GPHN: variants seen among roughly 807,000 people sequenced by gnomAD.
The protein encoded by GPHN is gephyrin.
GPHN carries 17 observed loss-of-function variants against 95.5 expected under a neutral mutation model. The ratio of observed to expected loss-of-function variants is 0.18; its 90% CI spans 0.12 to 0.27. The LOEUF (loss-of-function observed/expected upper bound fraction) is 0.27, where lower values mean the gene tolerates loss of function less well. Ranked by LOEUF, GPHN falls within the 10% of genes least tolerant of loss-of-function variation. GPHN has a pLI of 1.00. For missense variants in GPHN, 660 were observed against 978.1 expected, an observed-to-expected ratio of 0.67 and a Z score of 4.34; for synonymous variants, 320 against 322.5, an observed-to-expected ratio of 0.99 and a Z score of 0.08.
the GPHN span, among the ~76,000 whole-genome samples, chr14:67,439,533 G>GTTTCTTTCCTTCTTTC: frequency 1.0e-5 from 1 of 96,062 alleles, no homozygotes; most frequent in Non-Finnish European, 2.1e-5. Flanking sequence ...AAATTCAATA[G>GTTTCTTTCCTTCTTTC]TTTCTTTCTT....
the GPHN span, chr14:67,585,466 C>A: frequency 6.6e-6 from 5 of 754,632 alleles, no homozygotes; most frequent in East Asian, 8.1e-5. Flanking sequence ...CTGGAAATCA[C>A]TGCTTAGCAG....
chr14:67,640,686 CTA>C, the GPHN span, among the ~76,000 whole-genome samples: 1 of 152,166 alleles, frequency 6.6e-6, no homozygotes. Context: ...AGAATATAAT[CTA>C]TGTCAATGTT....
the GPHN span, among the ~76,000 whole-genome samples, chr14:67,305,481 ATG>A: frequency 6.6e-6 from 1 of 152,078 alleles, no homozygotes; most frequent in Admixed American, 6.6e-5. Context: ...GGCTTTCACT[ATG>A]TTGCCCAGGC....
the GPHN span, among the ~76,000 whole-genome samples, chr14:67,351,809 C>T: frequency 3.4e-4 from 52 of 151,492 alleles, no homozygotes; most frequent in African/African-American, 1.0e-3. Flanking sequence ...GCATGAGTCA[C>T]CACACCTAGT....
chr14:67,483,684 A>G, the GPHN span, among the ~76,000 whole-genome samples: 2 of 152,210 alleles, frequency 1.3e-5, no homozygotes, highest in Non-Finnish European at 2.9e-5. Flanking sequence ...TGCGCCATTC[A>G]AAGGCCCCTC....
chr14:67,419,776 G>A, the GPHN span, among the ~76,000 whole-genome samples: 4 of 152,036 alleles, frequency 2.6e-5, no homozygotes, highest in South Asian at 6.2e-4. Flanking sequence ...GTGAACCTGG[G>A]AGGCGGAGCT....
intron 3 of GPHN, among the ~76,000 whole-genome samples, chr14:66,820,684 C>A (rs567606734): frequency 6.6e-6 from 1 of 152,252 alleles, no homozygotes; most frequent in African/African-American, 2.4e-5. Flanking sequence ...ATTATGACCT[C>A]TTTGGAGTCC....
At chr14:67,289,342 A>G in the GPHN span, among the ~76,000 whole-genome samples, 1 of 152,114 alleles carries the variant, frequency 6.6e-6, no homozygotes, top group East Asian at 1.9e-4. Flanking sequence ...ATACAATATA[A>G]CAGCTATTTA....
At chr14:66,961,947 T>TATATATACAC (rs1555452281) in intron 8 of GPHN, among the ~76,000 whole-genome samples, 10 of 75,120 alleles carry the variant, frequency 1.3e-4, no homozygotes, top group African/African-American at 1.2e-4. Flanking sequence ...TATATATATA[T>TATATATACAC]ACACATATCT....
chr14:67,653,398 C>A, the GPHN span: 10 of 1,591,256 alleles, frequency 6.3e-6, no homozygotes, highest in Non-Finnish European at 8.6e-6. Context: ...TTGAAAGCCA[C>A]TGAGTTAAGA....
the GPHN span, chr14:67,301,477 G>C: frequency 6.3e-7 from 1 of 1,590,804 alleles, no homozygotes; most frequent in Non-Finnish European, 8.6e-7. Flanking sequence ...GTAGAAAATG[G>C]ACAGAATACT....
chr14:67,595,261 T>C, the GPHN span, among the ~76,000 whole-genome samples: 1 of 152,274 alleles, frequency 6.6e-6, no homozygotes, highest in African/African-American at 2.4e-5. Flanking sequence ...TATTCAATGC[T>C]ATACTTAAAG....
the GPHN span, chr14:67,333,098 T>A: frequency 1.5e-6 from 1 of 674,390 alleles, no homozygotes; most frequent in Non-Finnish European, 2.4e-6. Context: ...TCTCTTGAAT[T>A]AGTGAGACGA....
At position 66,526,712 on chromosome 14, in the gene GPHN, T is replaced by C. The variant is rs140746100; in HGVS notation, c.64+18121T>C. ...GGGTGTTGAATTTTGTCGAAGGCCT[T>C]TTCTGCATCTACTGAGATAATCATG... On this transcript the variant is annotated intron_variant, in intron 1 of 22. Coordinates refer to ENST00000478722, the MANE Select transcript of GPHN (RefSeq NM_020806.5). Among the ~76,000 whole-genome samples, 15 of 152,340 alleles carry C rather than the reference T, an allele frequency of 9.8e-5. No homozygotes were observed. In the East Asian group the frequency reaches 2.7e-3, roughly 27 times the overall value.
At chr14:67,521,978 C>T in the GPHN span, among the ~76,000 whole-genome samples, 1 of 152,044 alleles carries the variant, frequency 6.6e-6, no homozygotes, top group Non-Finnish European at 1.5e-5. Context: ...AGTTCAATAT[C>T]AGCCTGACTA....
chr14:66,926,677 G>A (rs991004577), intron 8 of GPHN, among the ~76,000 whole-genome samples: 5 of 152,138 alleles, frequency 3.3e-5, no homozygotes, highest in African/African-American at 1.2e-4. Flanking sequence ...TTGAAGTCAG[G>A]TAGTGTGATT....
intron 11 of GPHN, among the ~76,000 whole-genome samples, chr14:67,088,070 C>A (rs1172445462): frequency 6.6e-6 from 1 of 152,136 alleles, no homozygotes; most frequent in Non-Finnish European, 1.5e-5. Context: ...GTTACTAGTG[C>A]TCTTCTTATA....
At chr14:66,817,832 C>T (rs1318174028) in intron 3 of GPHN, among the ~76,000 whole-genome samples, 1 of 152,066 alleles carries the variant, frequency 6.6e-6, no homozygotes, top group Non-Finnish European at 1.5e-5. Context: ...GAATGGAAAC[C>T]TTTTGAAACC....
chr14:66,971,199 A>T (rs1457053812), intron 9 of GPHN, among the ~76,000 whole-genome samples: 1 of 152,176 alleles, frequency 6.6e-6, no homozygotes, highest in Non-Finnish European at 1.5e-5. Flanking sequence ...GCGTTGGCAC[A>T]TGCCTGTAAT....
Sources: allele counts gnomAD v4.1 joint callset (sites outside exome capture counted in the v4.1 genomes callset), GRCh38; gene constraint gnomAD v4.1.1; transcripts MANE v1.5; gene names NCBI Gene and HGNC (gene_info 2026-07-23, HGNC 2026-07-21).